Variants in KCNQ1OT1 observed in about 807,000 individuals in gnomAD.
The protein encoded by KCNQ1OT1 is KCNQ1 opposite strand/antisense transcript 1, also known as KCNQ1 antisense RNA 2 (non-protein coding).
exon 1 of KCNQ1OT1, chr11:2,680,904 G>GT (rs1223738104): frequency 2.5e-6 from 1 of 398,352 alleles, no homozygotes; most frequent in Admixed American, 4.4e-5. Flanking sequence ...CTTGCATTTT[G>GT]GTATGACCCA....
rs1850568812 is a variant in KCNQ1OT1, at chr11:2,690,390, A to G, written n.9605T>C. The G allele has an allele frequency of 5.0e-6, 2 of 398,566 alleles. No individual in the cohort carries two copies. Among genetic ancestry groups the G allele is most frequent in the Non-Finnish European group, 8.8e-6 (2 of 226,120 alleles). The allele number at this position is 398,566 out of a possible 1,614,324, so 24.7% of individuals were successfully genotyped here. On this transcript the variant is annotated non_coding_transcript_exon_variant, in exon 1 of 1. Transcript: ENST00000597346. This position sits in a 1 kb window ranked among gnomAD's most constrained non-coding sequence, Gnocchi z 5.1. ...TTGGCATGGAACATGTGCCAGACCA[A>G]AAGAGCTATCTCTCTCCCTGCGAAA...
Position 2,654,787 on chromosome 11 carries a change from T to C in KCNQ1OT1, n.45208A>G, listed in dbSNP as rs1026733083. The C allele has an allele frequency of 5.0e-6, 2 of 398,482 alleles. No homozygotes were observed. The highest frequency in any genetic ancestry group is 2.1e-5 in the African/African-American group (1 of 48,576). The allele number at this position is 398,482 out of a possible 1,614,324, so 24.7% of individuals were successfully genotyped here. ...GCAGAGGAAGTGAGACCAGAATTTC[T>C]TGGGAACAGAAAGCCTCAAAGACTT... On this transcript the variant is annotated non_coding_transcript_exon_variant, in exon 1 of 1. Transcript: ENST00000597346. This position sits in a 1 kb window ranked among gnomAD's most constrained non-coding sequence, Gnocchi z 6.4.
exon 1 of KCNQ1OT1, chr11:2,665,571 C>T (rs1246277204): frequency 5.1e-6 from 2 of 395,772 alleles, no homozygotes; most frequent in Non-Finnish European, 8.9e-6. Context: ...TTCCATTCAT[C>T]TTTCCAACGT....
At position 2,611,177 on chromosome 11, in the gene KCNQ1OT1, A is replaced by C; in HGVS notation, n.88818T>G. 1 of 398,426 alleles carries C rather than the reference A, an allele frequency of 2.5e-6. No homozygotes were observed. Among genetic ancestry groups the C allele is most frequent in the East Asian group, 3.6e-5 (1 of 28,072 alleles). The allele number at this position is 398,426 out of a possible 1,614,324, so 24.7% of individuals were successfully genotyped here. On this transcript the variant is annotated non_coding_transcript_exon_variant, in exon 1 of 1. Transcript: ENST00000597346. The surrounding 1 kb of genome is among the most constrained non-coding windows in gnomAD (Gnocchi z 5.3). ...TGTAAAATGCTTCTCAGTATCTCTA[A>C]TAACATGGTTTGTTTTTAAAGTCTA... is the stretch of plus-strand genomic sequence containing the variant.
In KCNQ1OT1 at chr11:2,608,365, G is replaced by A; in HGVS notation, n.91630C>T. ...ATAGTTTTCATCTTTCTAGGAATTT[G>A]TCAATTTCATCTAAGTTTTATAATT... On this transcript the variant is annotated non_coding_transcript_exon_variant, in exon 1 of 1. Coordinates refer to ENST00000597346, the Ensembl canonical transcript of KCNQ1OT1. This position sits in a 1 kb window ranked among gnomAD's most constrained non-coding sequence, Gnocchi z 4.6. 1 of 398,410 alleles carries A rather than the reference G, an allele frequency of 2.5e-6. No homozygotes were observed. Among genetic ancestry groups the A allele is most frequent in the Non-Finnish European group, 4.4e-6 (1 of 226,026 alleles). 24.7% of individuals were successfully genotyped at this position (398,410 alleles called of 1,614,324 possible).
rs948291273 is a variant in KCNQ1OT1 at position 2,663,206 on chromosome 11, T to C, written n.36789A>G. 2 of 398,438 alleles carry C rather than the reference T, an allele frequency of 5.0e-6. No homozygotes were observed. Among genetic ancestry groups the C allele is most frequent in the Admixed American group, 8.8e-5 (2 of 22,706 alleles). 24.7% of individuals were successfully genotyped at this position (398,438 alleles called of 1,614,324 possible). ...TGGCAGTACCTCATGGTGGGTAGGGTGTGAAGAGGCTCCAAGGGAGCCAGC... is the reference window on the plus strand; with the variant it reads ...TGGCAGTACCTCATGGTGGGTAGGGCGTGAAGAGGCTCCAAGGGAGCCAGC... On this transcript the variant is annotated non_coding_transcript_exon_variant, in exon 1 of 1. Transcript: ENST00000597346. This position sits in a 1 kb window ranked among gnomAD's most constrained non-coding sequence, Gnocchi z 5.2.
exon 1 of KCNQ1OT1, chr11:2,640,878 C>A (rs112403204): frequency 2.5e-6 from 1 of 399,542 alleles, no homozygotes; most frequent in Non-Finnish European, 4.4e-6. Flanking sequence ...CTCTCTACCT[C>A]CATGAGATCA....
exon 1 of KCNQ1OT1, chr11:2,614,293 G>C (rs980422016): frequency 2.5e-6 from 1 of 398,376 alleles, no homozygotes; most frequent in Non-Finnish European, 4.4e-6. Context: ...ATTTAATATA[G>C]AGTCTTCTTT....
exon 1 of KCNQ1OT1, chr11:2,641,753 A>G: frequency 2.5e-6 from 1 of 398,432 alleles, no homozygotes; most frequent in East Asian, 3.6e-5. Context: ...CTTCATTAAT[A>G]GTGATGTTAT....
chr11:2,671,477 G>T lies in KCNQ1OT1; in HGVS notation n.28518C>A. The T allele has an allele frequency of 2.5e-6, 1 of 398,574 alleles. No individual in the cohort carries two copies. The allele number at this position is 398,574 out of a possible 1,614,324, so 24.7% of individuals were successfully genotyped here. ...CAACCCAGCAGGGGATATACACAAAGATCTGAGAAAGGGATTATTTTTAGG... is the reference window on the plus strand; with the variant it reads ...CAACCCAGCAGGGGATATACACAAATATCTGAGAAAGGGATTATTTTTAGG... On this transcript the variant is annotated non_coding_transcript_exon_variant, in exon 1 of 1. Transcript: ENST00000597346. This position sits in a 1 kb window ranked among gnomAD's most constrained non-coding sequence, Gnocchi z 4.7.
chr11:2,675,749 C>G (rs1237722357), exon 1 of KCNQ1OT1: 20 of 398,560 alleles, frequency 5.0e-5, no homozygotes, highest in Non-Finnish European at 7.5e-5. Context: ...GTGACATGAA[C>G]CAGAGACTCA....
chr11:2,641,599 T>G (rs960664135), exon 1 of KCNQ1OT1: 1 of 398,412 alleles, frequency 2.5e-6, no homozygotes, highest in African/African-American at 2.1e-5. Flanking sequence ...CTCTTCACTC[T>G]GGTGATTGTT....
Position 2,684,009 on chromosome 11 carries a change from C to T in KCNQ1OT1, n.15986G>A, listed in dbSNP as rs546015085. The T allele has an allele frequency of 5.5e-5, 22 of 398,036 alleles. No individual in the cohort carries two copies. The South Asian group carries it at 2.3e-3, about 42-fold the overall frequency. 24.7% of individuals were successfully genotyped at this position (398,036 alleles called of 1,614,324 possible). A position where few individuals can be genotyped will look rare whatever the true frequency, so the allele number is the denominator to read the frequency against. ...GAATTTCCTTGGCAACTCCGTCTCT[C>T]CTTAGTCAACATCAGCTAACTTCAT... On this transcript the variant is annotated non_coding_transcript_exon_variant, in exon 1 of 1. Transcript: ENST00000597346.
exon 1 of KCNQ1OT1, chr11:2,689,330 T>C (rs931482311): frequency 7.5e-6 from 3 of 398,508 alleles, no homozygotes; most frequent in Non-Finnish European, 1.3e-5. Flanking sequence ...ACTGCCCCTA[T>C]CCGCAGAGCT....
At chr11:2,667,845 G>T in exon 1 of KCNQ1OT1, 1 of 398,618 alleles carries the variant, frequency 2.5e-6, no homozygotes, top group South Asian at 1.3e-4. Flanking sequence ...TTAGTTAAAG[G>T]GTAATGTGCA....
At chr11:2,699,516 GA>G (rs1477353786) in exon 1 of KCNQ1OT1, 11 of 291,126 alleles carry the variant, frequency 3.8e-5, no homozygotes, top group Non-Finnish European at 6.0e-5. Flanking sequence ...GAGCCCCCAG[GA>G]GAGTGCCGCG....
chr11:2,671,249 C>T lies in KCNQ1OT1; in HGVS notation n.28746G>A, dbSNP rs1025535557. 8.3e-5 allele frequency: 33 copies of T among 398,456 alleles called. No individual in the cohort carries two copies. The highest frequency in any genetic ancestry group is 2.1e-4 in the African/African-American group (10 of 48,618). The allele number at this position is 398,456 out of a possible 1,614,324, so 24.7% of individuals were successfully genotyped here. On this transcript the variant is annotated non_coding_transcript_exon_variant, in exon 1 of 1. Transcript: ENST00000597346. This position sits in a 1 kb window ranked among gnomAD's most constrained non-coding sequence, Gnocchi z 4.7. Reference sequence around the variant, plus strand: ...GGAGTCCAGGTCTGACCTCAAAATCCGATGTCCCCACCATCCCCAGCCCCT... The same window carrying T: ...GGAGTCCAGGTCTGACCTCAAAATCTGATGTCCCCACCATCCCCAGCCCCT...
At chr11:2,660,021 C>G in exon 1 of KCNQ1OT1, 2 of 398,404 alleles carry the variant, frequency 5.0e-6, no homozygotes, top group Admixed American at 8.8e-5. Context: ...GTGTCTGTTG[C>G]ACAGCAAAAG....
chr11:2,674,718 T>C lies in KCNQ1OT1; in HGVS notation n.25277A>G, dbSNP rs554224489. On this transcript the variant is annotated non_coding_transcript_exon_variant, in exon 1 of 1. Coordinates refer to ENST00000597346, the Ensembl canonical transcript of KCNQ1OT1. The surrounding 1 kb of genome is among the most constrained non-coding windows in gnomAD (Gnocchi z 5.9). ...ACCTTTCCTGATGACTCCTTCCTTC[T>C]GAACTTAACTCGTTAAAGTTGCTCC... The C allele has an allele frequency of 2.3e-5, 9 of 398,196 alleles. No individual in the cohort carries two copies. The highest frequency in any genetic ancestry group is 1.3e-4 in the Admixed American group (3 of 22,670). 24.7% of individuals were successfully genotyped at this position (398,196 alleles called of 1,614,324 possible).
Sources: gnomAD v4.1 joint callset for allele counts on GRCh38, gnomAD v4.1.1 for gene constraint, Gnocchi (gnomAD v3.1) non-coding constraint, MANE v1.5 for transcripts, NCBI Gene and HGNC (gene_info 2026-07-23, HGNC 2026-07-21) for gene names.